DIAPH2: variants seen among roughly 807,000 people sequenced by gnomAD.
DIAPH2 encodes the protein protein diaphanous homolog 2.
DIAPH2 carries 35 observed loss-of-function variants against 92.7 expected under a neutral mutation model. The observed-to-expected ratio is 0.38, with a 90% CI of 0.29 to 0.50. DIAPH2 has a LOEUF of 0.50. DIAPH2 is among the 20% of genes least tolerant of loss of function. The pLI, the probability that DIAPH2 is intolerant of heterozygous loss-of-function variation, is 0.94. For missense variants in DIAPH2, 701 were observed against 819.5 expected (o/e 0.86, Z 1.77); for synonymous variants, 301 against 280.4 (o/e 1.07, Z -0.73).
chrX:97,185,343 ATATATATATGTGTG>A (rs1271273544), intron 22 of DIAPH2, among the ~76,000 whole-genome samples: 110 of 4,014 alleles, frequency 0.027, 14 homozygotes, highest in African/African-American at 0.041. Context: ...ATATATATGT[ATATATATATGTGTG>A]TATATATATA....
intron 23 of DIAPH2, among the ~76,000 whole-genome samples, chrX:97,334,998 C>CAAAAAAAACA (rs2069042977): frequency 3.2e-5 from 1 of 31,464 alleles, no homozygotes. Context: ...AAAAACAAAA[C>CAAAAAAAACA]AAAAAAAAAA....
At chrX:97,384,918 T>A (rs2069585610) in intron 25 of DIAPH2, among the ~76,000 whole-genome samples, 1 of 110,795 alleles carries the variant, frequency 9.0e-6, no homozygotes, top group Non-Finnish European at 1.9e-5. Context: ...TTTTATTGGT[T>A]AGCAAGAGTG....
At chrX:97,066,345 C>T (rs992180105) in intron 17 of DIAPH2, among the ~76,000 whole-genome samples, 3 of 112,163 alleles carry the variant, frequency 2.7e-5, no homozygotes, top group African/African-American at 9.7e-5. Flanking sequence ...GTTACAATTG[C>T]CTACAATATT....
At chrX:97,358,275 G>A (rs1197393791) in intron 24 of DIAPH2, among the ~76,000 whole-genome samples, 4 of 111,646 alleles carry the variant, frequency 3.6e-5, no homozygotes, top group Non-Finnish European at 5.6e-5. Flanking sequence ...ACCCAAGAGC[G>A]ATTTTGCCTC....
intron 26 of DIAPH2, among the ~76,000 whole-genome samples, chrX:97,570,074 TAATATATA>T (rs2071353987): frequency 2.5e-5 from 1 of 40,759 alleles, no homozygotes; most frequent in South Asian, 2.1e-3. Context: ...TAAGGCCTTC[TAATATATA>T]TATATATATA....
chrX:97,130,124 T>C (rs747503782), intron 21 of DIAPH2, among the ~76,000 whole-genome samples: 1 of 112,180 alleles, frequency 8.9e-6, no homozygotes, highest in African/African-American at 3.2e-5. Flanking sequence ...TTGGCAAGGA[T>C]GTGGAGAAAT....
intron 1 of DIAPH2, among the ~76,000 whole-genome samples, chrX:96,727,822 T>C (rs2064029081): frequency 9.1e-6 from 1 of 110,262 alleles, no homozygotes; most frequent in Admixed American, 9.7e-5. Flanking sequence ...CTGAGGTGGA[T>C]GGATCACGAG....
At chrX:96,878,058 C>T (rs2065191146) in intron 4 of DIAPH2, among the ~76,000 whole-genome samples, 1 of 111,694 alleles carries the variant, frequency 9.0e-6, no homozygotes, top group Non-Finnish European at 1.9e-5. Flanking sequence ...TAGTTGTTTC[C>T]TTTGTTCAGT....
At chrX:97,179,290 G>A (rs1490274959) in intron 22 of DIAPH2, among the ~76,000 whole-genome samples, 2 of 102,995 alleles carry the variant, frequency 1.9e-5, no homozygotes, top group African/African-American at 7.2e-5. Context: ...TGCAGAACAT[G>A]CAGGTTTGTT....
intron 24 of DIAPH2, among the ~76,000 whole-genome samples, chrX:97,376,700 C>T (rs2069504222): frequency 8.9e-6 from 1 of 112,160 alleles, no homozygotes; most frequent in African/African-American, 3.2e-5. Context: ...TCATGTGTTG[C>T]TTAATGACAG....
intron 26 of DIAPH2, among the ~76,000 whole-genome samples, chrX:97,469,468 C>T (rs6620284): frequency 0.39 from 42,441 of 110,061 alleles, 5,868 homozygotes; most frequent in East Asian, 0.56. Flanking sequence ...TTATGTGACA[C>T]GTTTATCATG....
chrX:97,351,655 T>G (rs778262949), intron 24 of DIAPH2, among the ~76,000 whole-genome samples: 2 of 110,443 alleles, frequency 1.8e-5, no homozygotes, highest in Non-Finnish European at 3.8e-5. Flanking sequence ...TACAAAAAAT[T>G]AGCCGGGCGT....
chrX:96,954,456 G>C (rs1339718266), intron 15 of DIAPH2, among the ~76,000 whole-genome samples: 4 of 112,156 alleles, frequency 3.6e-5, no homozygotes, highest in Non-Finnish European at 7.5e-5. Flanking sequence ...ATTGTCATTA[G>C]AGAATGAGCT....
chrX:97,396,431 G>A (rs1303630375), intron 25 of DIAPH2, among the ~76,000 whole-genome samples: 1 of 110,887 alleles, frequency 9.0e-6, no homozygotes, highest in Non-Finnish European at 1.9e-5. Context: ...CGGCACTTTG[G>A]GAGGCTGAGG....
At chrX:97,503,577 G>A (rs764084814) in intron 26 of DIAPH2, among the ~76,000 whole-genome samples, 1 of 112,093 alleles carries the variant, frequency 8.9e-6, no homozygotes, top group Non-Finnish European at 1.9e-5. Context: ...AATCTTTCAA[G>A]TGGAGATAAC....
intron 9 of DIAPH2, among the ~76,000 whole-genome samples, chrX:96,924,879 C>A (rs2065569946): frequency 9.0e-6 from 1 of 111,130 alleles, no homozygotes; most frequent in African/African-American, 3.3e-5. Flanking sequence ...CCCATCATGC[C>A]CCTCCTCCAA....
At chrX:97,468,468 G>A (rs959069935) in intron 26 of DIAPH2, among the ~76,000 whole-genome samples, 2 of 110,791 alleles carry the variant, frequency 1.8e-5, no homozygotes, top group African/African-American at 3.3e-5. Flanking sequence ...GGCCTTTACC[G>A]CCCCATTTCC....
intron 26 of DIAPH2, among the ~76,000 whole-genome samples, chrX:97,571,254 A>G (rs2071367970): frequency 8.9e-6 from 1 of 111,749 alleles, no homozygotes; most frequent in African/African-American, 3.2e-5. Context: ...ATTCAATTCC[A>G]TGTAAATATT....
chrX:97,246,160 C>A (rs1265223272), intron 22 of DIAPH2, among the ~76,000 whole-genome samples: 1 of 109,057 alleles, frequency 9.2e-6, no homozygotes, highest in Non-Finnish European at 1.9e-5. Context: ...GTAATCCGCC[C>A]ACCTCAGCCT....
Sources: gnomAD v4.1 joint callset for allele counts (sites outside exome capture counted in the v4.1 genomes callset) on GRCh38, gnomAD v4.1.1 for gene constraint, MANE v1.5 for transcripts, NCBI Gene and HGNC (gene_info 2026-07-23, HGNC 2026-07-21) for gene names.